The following GALNTL6 variants were observed in gnomAD, a reference collection of about 807,000 sequenced individuals.
GALNTL6 encodes polypeptide N-acetylgalactosaminyltransferase-like 6.
A neutral mutation model predicts 73.7 loss-of-function variants in GALNTL6; 46 were observed. The ratio of observed to expected loss-of-function variants is 0.62; its 90% CI spans 0.49 to 0.80. The LOEUF (loss-of-function observed/expected upper bound fraction) is 0.80, where lower values mean the gene tolerates loss of function less well. Ranked by LOEUF, GALNTL6 falls within the 30% of genes least tolerant of loss-of-function variation. The probability of loss-of-function intolerance (pLI) is 0.00; values close to 1 mark genes in which losing one functional copy is unlikely to be tolerated. For missense variants in GALNTL6, 604 were observed against 755.0 expected, an observed-to-expected ratio of 0.80 and a Z score of 2.34; for synonymous variants, 259 against 263.7, an observed-to-expected ratio of 0.98 and a Z score of 0.17.
intron 2 of GALNTL6, among the ~76,000 whole-genome samples, chr4:171,966,679 T>C (rs1044544953): frequency 6.6e-6 from 1 of 152,172 alleles, no homozygotes. Flanking sequence ...CTCCATTTTA[T>C]AGTTGTGAAT....
At chr4:172,409,596 G>A (rs948905007) in intron 5 of GALNTL6, among the ~76,000 whole-genome samples, 4 of 151,498 alleles carry the variant, frequency 2.6e-5, no homozygotes, top group East Asian at 1.9e-4. Context: ...TAGAAACTTC[G>A]GATATATAAT....
chr4:172,224,299 G>A (rs948788505), intron 2 of GALNTL6, among the ~76,000 whole-genome samples: 4 of 152,088 alleles, frequency 2.6e-5, no homozygotes, highest in Admixed American at 6.6e-5. Flanking sequence ...AAGACCTAGA[G>A]GACATGCAGA....
intron 2 of GALNTL6, among the ~76,000 whole-genome samples, chr4:171,844,125 A>C (rs2110848480): frequency 6.6e-6 from 1 of 152,284 alleles, no homozygotes; most frequent in East Asian, 1.9e-4. Flanking sequence ...TTTGTTCATT[A>C]ATATTTCTTA....
At chr4:172,384,787 G>A (rs879916135) in intron 5 of GALNTL6, among the ~76,000 whole-genome samples, 2 of 151,792 alleles carry the variant, frequency 1.3e-5, no homozygotes, top group Admixed American at 6.6e-5. Flanking sequence ...TTGTTTGTTC[G>A]TTTTATTAGA....
At chr4:172,958,708 G>T (rs1168523278) in intron 10 of GALNTL6, among the ~76,000 whole-genome samples, 1 of 152,188 alleles carries the variant, frequency 6.6e-6, no homozygotes, top group Non-Finnish European at 1.5e-5. Flanking sequence ...GGGCTTGACT[G>T]AAGTAATGGG....
At chr4:172,134,036 T>G (rs1408856059) in intron 2 of GALNTL6, among the ~76,000 whole-genome samples, 2 of 152,144 alleles carry the variant, frequency 1.3e-5, no homozygotes, top group Non-Finnish European at 2.9e-5. Context: ...TGAGATCACA[T>G]TAGGAAACTT....
intron 10 of GALNTL6, among the ~76,000 whole-genome samples, chr4:172,988,665 G>A (rs1445581776): frequency 6.6e-6 from 1 of 152,232 alleles, no homozygotes; most frequent in African/African-American, 2.4e-5. Context: ...GGCCTAGGAG[G>A]GAGGTATGGT....
intron 2 of GALNTL6, among the ~76,000 whole-genome samples, chr4:172,199,137 G>A (rs1333451791): frequency 2.0e-5 from 3 of 152,122 alleles, no homozygotes; most frequent in Non-Finnish European, 4.4e-5. Flanking sequence ...CCTGAAAAAA[G>A]AGGTCCCATA....
chr4:172,596,430 G>A (rs1737857177), intron 5 of GALNTL6, among the ~76,000 whole-genome samples: 2 of 148,536 alleles, frequency 1.3e-5, no homozygotes, highest in African/African-American at 5.0e-5. Context: ...GGGCAACAGA[G>A]GGAGACATTG....
intron 2 of GALNTL6, among the ~76,000 whole-genome samples, chr4:172,164,609 A>G (rs1734568799): frequency 6.6e-6 from 1 of 152,044 alleles, no homozygotes; most frequent in South Asian, 2.1e-4. Context: ...TACTATACTA[A>G]TAATAGATTT....
At chr4:172,781,909 C>G (rs933387738) in intron 5 of GALNTL6, among the ~76,000 whole-genome samples, 1 of 150,828 alleles carries the variant, frequency 6.6e-6, no homozygotes, top group African/African-American at 2.4e-5. Flanking sequence ...CAAATTTATA[C>G]ATTGAAACAT....
chr4:172,112,166 T>A (rs945999359), intron 2 of GALNTL6, among the ~76,000 whole-genome samples: 1 of 152,076 alleles, frequency 6.6e-6, no homozygotes, highest in African/African-American at 2.4e-5. Flanking sequence ...CTTTTCAGAT[T>A]AGCTTCTTTC....
intron 12 of GALNTL6, among the ~76,000 whole-genome samples, chr4:173,024,383 G>A (rs1753143589): frequency 6.6e-6 from 1 of 152,178 alleles, no homozygotes; most frequent in African/African-American, 2.4e-5. Context: ...GGCTCAAAAT[G>A]GAAAGTTTCT....
chr4:172,663,331 A>G (rs1208399522), intron 5 of GALNTL6, among the ~76,000 whole-genome samples: 1 of 152,234 alleles, frequency 6.6e-6, no homozygotes, highest in Non-Finnish European at 1.5e-5. Context: ...AAGGGCAGAG[A>G]AATGCAATCG....
chr4:172,024,824 C>T (rs1008747135), intron 2 of GALNTL6, among the ~76,000 whole-genome samples: 1 of 150,898 alleles, frequency 6.6e-6, no homozygotes, highest in Non-Finnish European at 1.5e-5. Flanking sequence ...CCTTTCTTCC[C>T]TCCCACCCTC....
chr4:172,221,285 A>C (rs1185330842), intron 2 of GALNTL6, among the ~76,000 whole-genome samples: 1 of 151,838 alleles, frequency 6.6e-6, no homozygotes. Flanking sequence ...GTTTAAGATA[A>C]TATTGATTCT....
intron 2 of GALNTL6, among the ~76,000 whole-genome samples, chr4:172,180,602 A>G (rs1329092464): frequency 6.6e-6 from 1 of 152,094 alleles, no homozygotes; most frequent in Non-Finnish European, 1.5e-5. Flanking sequence ...TAAGTCTTTA[A>G]TTGATCTTGA....
chr4:172,284,550 A>AACTTTGCC (rs142738374), intron 3 of GALNTL6, among the ~76,000 whole-genome samples: 2 of 151,910 alleles, frequency 1.3e-5, no homozygotes, highest in African/African-American at 4.8e-5. Flanking sequence ...TTAGTCATGA[A>AACTTTGCC]TCTTTGCCTG....
chr4:172,365,137 T>C (rs1345024412), intron 5 of GALNTL6, among the ~76,000 whole-genome samples: 1 of 152,186 alleles, frequency 6.6e-6, no homozygotes, highest in African/African-American at 2.4e-5. Context: ...AGGAGCACAC[T>C]CTCTTAAAGA....
Sources: gnomAD v4.1 joint callset for allele counts (sites outside exome capture counted in the v4.1 genomes callset) on GRCh38, gnomAD v4.1.1 for gene constraint, MANE v1.5 for transcripts, NCBI Gene and HGNC (gene_info 2026-07-23, HGNC 2026-07-21) for gene names.